The following ASIC2 variants were observed in gnomAD, a reference collection of about 807,000 sequenced individuals.
The protein encoded by ASIC2 is acid-sensing ion channel 2.
A neutral mutation model predicts 57.3 loss-of-function variants in ASIC2; 25 were observed. The ratio of observed to expected loss-of-function variants is 0.44; its 90% CI spans 0.32 to 0.61. ASIC2 has a LOEUF of 0.61. Among genes scored for constraint, ASIC2 ranks in the 20% least tolerant of loss-of-function variants. ASIC2 has a pLI of 0.06. For synonymous variants in ASIC2, 319 were observed against 307.5 expected (o/e 1.04, Z -0.39); for missense variants, 641 against 738.1 (o/e 0.87, Z 1.52).
intron 1 of ASIC2, among the ~76,000 whole-genome samples, chr17:33,629,257 T>G (rs945104316): frequency 2.0e-4 from 15 of 76,718 alleles, no homozygotes; most frequent in African/African-American, 6.8e-4. Flanking sequence ...ACTTTTCAGT[T>G]TGGTTAAGAT....
chr17:33,734,274 T>C (rs150619082), intron 1 of ASIC2, among the ~76,000 whole-genome samples: 129 of 150,770 alleles, frequency 8.6e-4, no homozygotes, highest in African/African-American at 3.1e-3. Flanking sequence ...CCAGCCCTTC[T>C]TCCCTTGCAT....
intron 1 of ASIC2, among the ~76,000 whole-genome samples, chr17:33,347,553 T>C (rs564435903): frequency 1.6e-4 from 25 of 152,204 alleles, no homozygotes; most frequent in African/African-American, 5.8e-4. Flanking sequence ...GAGTGGGTGT[T>C]AGGACAAAGC....
intron 1 of ASIC2, among the ~76,000 whole-genome samples, chr17:33,384,300 T>G (rs1909596304): frequency 6.6e-6 from 1 of 152,202 alleles, no homozygotes; most frequent in Non-Finnish European, 1.5e-5. Flanking sequence ...ATGGACAGAT[T>G]TAATATTAAT....
At chr17:34,091,398 G>A (rs1237857099) in intron 1 of ASIC2, among the ~76,000 whole-genome samples, 2 of 152,272 alleles carry the variant, frequency 1.3e-5, no homozygotes, top group Non-Finnish European at 2.9e-5. Flanking sequence ...AGTGATGATT[G>A]AGGCAGGGGG....
At chr17:33,120,976 T>C (rs568960363) in intron 1 of ASIC2, among the ~76,000 whole-genome samples, 26 of 152,216 alleles carry the variant, frequency 1.7e-4, no homozygotes, top group Non-Finnish European at 3.5e-4. Context: ...TTCTTCATCT[T>C]TTTGGTTCTT....
chr17:33,931,069 A>C (rs969890028), intron 1 of ASIC2: 4 of 152,062 alleles, frequency 2.6e-5, no homozygotes, highest in African/African-American at 7.3e-5. Flanking sequence ...ATGCAGTTTT[A>C]CTTTGCATCT....
intron 1 of ASIC2, among the ~76,000 whole-genome samples, chr17:33,458,822 A>G: frequency 6.6e-6 from 1 of 152,196 alleles, no homozygotes; most frequent in East Asian, 1.9e-4. Flanking sequence ...TTGGTGAGGA[A>G]GTATAAGAAC....
At chr17:33,177,153 T>C (rs541393894) in intron 1 of ASIC2, among the ~76,000 whole-genome samples, 5 of 152,274 alleles carry the variant, frequency 3.3e-5, no homozygotes, top group Admixed American at 6.5e-5. Context: ...GCTGCCCAAG[T>C]CTTGGGGGAA....
chr17:33,081,232 T>C (rs1026288259), intron 3 of ASIC2, among the ~76,000 whole-genome samples: 51 of 152,136 alleles, frequency 3.4e-4, no homozygotes, highest in African/African-American at 7.2e-5. Context: ...ATCAAGCTTA[T>C]ATTGTGCAGG....
intron 1 of ASIC2, among the ~76,000 whole-genome samples, chr17:33,306,950 G>T (rs1334725158): frequency 6.6e-6 from 1 of 152,024 alleles, no homozygotes; most frequent in Non-Finnish European, 1.5e-5. Flanking sequence ...TTGCAGCCCT[G>T]TCCTTTTGCC....
chr17:33,942,308 A>G (rs1278410449), intron 1 of ASIC2, among the ~76,000 whole-genome samples: 8 of 151,998 alleles, frequency 5.3e-5, no homozygotes, highest in Admixed American at 5.2e-4. Context: ...GGGGAACTCA[A>G]CCCCTCCTAG....
intron 1 of ASIC2, among the ~76,000 whole-genome samples, chr17:33,929,588 C>T (rs889093574): frequency 1.3e-5 from 2 of 152,170 alleles, no homozygotes; most frequent in East Asian, 3.9e-4. Context: ...CAGAAGATCC[C>T]GCTGCAGGGT....
intron 1 of ASIC2, among the ~76,000 whole-genome samples, chr17:33,479,679 C>T (rs1057042231): frequency 1.3e-5 from 2 of 152,192 alleles, no homozygotes; most frequent in Admixed American, 6.5e-5. Flanking sequence ...ATAACCCGTG[C>T]TGGGGCTTGC....
At chr17:33,282,042 AT>A (rs1209353456) in intron 1 of ASIC2, among the ~76,000 whole-genome samples, 6 of 152,216 alleles carry the variant, frequency 3.9e-5, no homozygotes, top group African/African-American at 1.4e-4. Flanking sequence ...TTTGTTACAA[AT>A]TCTTTCATTT....
intron 1 of ASIC2, among the ~76,000 whole-genome samples, chr17:33,968,833 T>C (rs1905144590): frequency 6.6e-6 from 1 of 152,170 alleles, no homozygotes; most frequent in South Asian, 2.1e-4. Context: ...TCAGCAAAGA[T>C]GTCAAGTCAA....
At chr17:33,564,979 A>G (rs555697904) in intron 1 of ASIC2, among the ~76,000 whole-genome samples, 86 of 152,326 alleles carry the variant, frequency 5.6e-4, no homozygotes, top group African/African-American at 2.0e-3. Flanking sequence ...ACATCTATAG[A>G]AACAATGCTA....
Position 33,314,917 on chromosome 17 carries a change from G to A in ASIC2, c.556-202850C>T, listed in dbSNP as rs1906581423. Among the ~76,000 whole-genome samples, 4 of 152,110 alleles carry A rather than the reference G, an allele frequency of 2.6e-5. No homozygotes were observed. In the South Asian group the frequency reaches 8.3e-4, roughly 32 times the overall value. On this transcript the variant is annotated intron_variant, in intron 1 of 9. Coordinates refer to the ASIC2 transcript ENST00000359872. ...GGAAGCTGGCAATGTAGGGAGGTAG[G>A]GAGGCTGCATGAGACACACAGTCTT...
intron 1 of ASIC2, among the ~76,000 whole-genome samples, chr17:33,994,615 C>T (rs1407269833): frequency 6.6e-6 from 1 of 152,138 alleles, no homozygotes; most frequent in African/African-American, 2.4e-5. Context: ...GTGACAGCAA[C>T]GTGCGAAGTT....
At chr17:34,033,361 A>AG (rs1334519079) in intron 1 of ASIC2, among the ~76,000 whole-genome samples, 2 of 152,214 alleles carry the variant, frequency 1.3e-5, no homozygotes, top group African/African-American at 4.8e-5. Context: ...ACACATTCAA[A>AG]GCAGTGTGTA....
Sources: allele counts gnomAD v4.1 joint callset (sites outside exome capture counted in the v4.1 genomes callset), GRCh38; gene constraint gnomAD v4.1.1; transcripts MANE v1.5; gene names NCBI Gene and HGNC (gene_info 2026-07-23, HGNC 2026-07-21).